FUCA2: variants seen among roughly 807,000 people sequenced by gnomAD.
FUCA2 encodes the protein alpha-L-fucosidase 2, also known as plasma alpha-L-fucosidase.
A neutral mutation model predicts 52.6 loss-of-function variants in FUCA2; 41 were observed. The ratio of observed to expected loss-of-function variants is 0.78; its 90% confidence interval spans 0.61 to 1.01. The LOEUF (loss-of-function observed/expected upper bound fraction) is 1.01, where lower values mean the gene tolerates loss of function less well. Among genes scored for constraint, FUCA2 ranks in the 50% least tolerant of loss-of-function variants. FUCA2 has a pLI of 0.00. For missense variants in FUCA2, 507 were observed against 569.5 expected, an observed-to-expected ratio of 0.89 and a Z score of 1.12; for synonymous variants, 211 against 217.3, an observed-to-expected ratio of 0.97 and a Z score of 0.26.
At position 143,499,763 on chromosome 6, in the gene FUCA2, TGAGAA is replaced by T. The variant is rs1780507165; in HGVS notation, c.1154+2164_1154+2168del. Among the ~76,000 whole-genome samples, 2 of 152,082 alleles carry T rather than the reference TGAGAA, an allele frequency of 1.3e-5. No individual in the cohort carries two copies. The highest frequency in any genetic ancestry group is 4.8e-5 in the African/African-American group (2 of 41,402). ...GCAAGGCAGATGTTATTGTGGGCCT[TGAGAA>T]GAGCAATTCTGGAGTGTGGGGGTGG... On this transcript the variant is annotated intron_variant, in intron 5 of 6. Coordinates refer to ENST00000002165, the MANE Select transcript of FUCA2 (RefSeq NM_032020.5). The surrounding 1 kb of genome is among the most constrained non-coding windows in gnomAD (Gnocchi z 6.0).
chr6:143,495,902 C>T lies in FUCA2; in HGVS notation c.1264-55G>A. 1 of 1,581,512 alleles carries T rather than the reference C, an allele frequency of 6.3e-7. No individual in the cohort carries two copies. Among genetic ancestry groups the T allele is most frequent in the Non-Finnish European group, 8.6e-7 (1 of 1,157,060 alleles). On this transcript the variant is annotated intron_variant, in intron 6 of 6. Coordinates refer to ENST00000002165, the MANE Select transcript of FUCA2 (RefSeq NM_032020.5). The surrounding 1 kb of genome is among the most constrained non-coding windows in gnomAD (Gnocchi z 5.2). ...TCCAAATTTATCTCTTTATCTCACC[C>T]ACTTTCTATTGGGAAGGAGTGATTA... is the stretch of plus-strand genomic sequence containing the variant.
At position 143,501,893 on chromosome 6, in the gene FUCA2, TC is replaced by T; in HGVS notation, c.1154+38del. 1 of 1,532,082 alleles carries T rather than the reference TC, an allele frequency of 6.5e-7. No homozygotes were observed. The highest frequency in any genetic ancestry group is 1.9e-5 in the Admixed American group (1 of 53,990). 94.9% of individuals were successfully genotyped at this position (1,532,082 alleles called of 1,614,324 possible). A position where few individuals can be genotyped will look rare whatever the true frequency, so the allele number is the denominator to read the frequency against. On this transcript the variant is annotated intron_variant, in intron 5 of 6. Coordinates refer to ENST00000002165, the MANE Select transcript of FUCA2 (RefSeq NM_032020.5). The surrounding 1 kb of genome is among the most constrained non-coding windows in gnomAD (Gnocchi z 6.1). Reference sequence around the variant, plus strand: ...TATGTCTGATAAATTTTAAATCTCTTCCTTTATAAAAGAGTACTTGGTAACA... The same window carrying T: ...TATGTCTGATAAATTTTAAATCTCTTCTTTATAAAAGAGTACTTGGTAACA...
Position 143,497,682 on chromosome 6 carries a change from G to T in FUCA2, c.1155-185C>A, listed in dbSNP as rs1420420176. ...ACACCTTCCTCCCCCAAGACCAAAA[G>T]GAAGTTCTTGGAAGACAAAGATTTT... On this transcript the variant is annotated intron_variant, in intron 5 of 6. Coordinates refer to ENST00000002165, the MANE Select transcript of FUCA2 (RefSeq NM_032020.5). This position sits in a 1 kb window ranked among gnomAD's most constrained non-coding sequence, Gnocchi z 5.3. Among the ~76,000 whole-genome samples, 3 of 152,134 alleles carry T rather than the reference G, an allele frequency of 2.0e-5. No individual in the cohort carries two copies. The highest frequency in any genetic ancestry group is 1.5e-5 in the Non-Finnish European group (1 of 68,036).
In FUCA2 at chr6:143,502,352, T is replaced by C. The variant is rs1175924083; in HGVS notation, c.963+3A>G. 1.2e-6 allele frequency: 2 copies of C among 1,613,022 alleles called. No homozygotes were observed. Among genetic ancestry groups the C allele is most frequent in the Admixed American group, 3.3e-5 (2 of 60,004 alleles). ...TTAATAGCCACCAGACATTTCACTGTACCTTCACCAATTCTTCAATTGTAA... is the reference window on the plus strand; with the variant it reads ...TTAATAGCCACCAGACATTTCACTGCACCTTCACCAATTCTTCAATTGTAA... On this transcript the variant is annotated splice_donor_region_variant and intron_variant, in intron 4 of 6. Coordinates refer to ENST00000002165, the MANE Select transcript of FUCA2 (RefSeq NM_032020.5). The surrounding 1 kb of genome is among the most constrained non-coding windows in gnomAD (Gnocchi z 4.1).
At position 143,502,153 on chromosome 6, in the gene FUCA2, A is replaced by G; in HGVS notation, c.964-31T>C. ...AAATTAAGAATAATGTTTTTAGATA[A>G]ATAAAATAATTCCATCTTTAATGTG... On this transcript the variant is annotated intron_variant, in intron 4 of 6. Coordinates refer to ENST00000002165, the MANE Select transcript of FUCA2 (RefSeq NM_032020.5). The surrounding 1 kb of genome is among the most constrained non-coding windows in gnomAD (Gnocchi z 4.1). The G allele has an allele frequency of 6.6e-7, 1 of 1,514,722 alleles. No homozygotes were observed. The highest frequency in any genetic ancestry group is 8.9e-7 in the Non-Finnish European group (1 of 1,117,796). 93.8% of individuals were successfully genotyped at this position (1,514,722 alleles called of 1,614,324 possible).
chr6:143,497,552 C>T lies in FUCA2; in HGVS notation c.1155-55G>A. ...GTAGCAAGTTACATCCCATGTTTCT[C>T]ACTATTTATGGATCAGGAACAATCT... On this transcript the variant is annotated intron_variant, in intron 5 of 6. Transcript: ENST00000002165. The surrounding 1 kb of genome is among the most constrained non-coding windows in gnomAD (Gnocchi z 5.3). 2 of 912,332 alleles carry T rather than the reference C, an allele frequency of 2.2e-6. No individual in the cohort carries two copies. Among genetic ancestry groups the T allele is most frequent in the Non-Finnish European group, 3.5e-6 (2 of 567,276 alleles). The allele number at this position is 912,332 out of a possible 1,614,324, so 56.5% of individuals were successfully genotyped here.
In FUCA2 at chr6:143,503,911, A is replaced by T; in HGVS notation, c.752+2T>A. On this transcript the variant is annotated splice_donor_variant, in intron 3 of 6. Coordinates refer to ENST00000002165, the MANE Select transcript of FUCA2 (RefSeq NM_032020.5). LOFTEE classifies it high-confidence loss of function. The surrounding 1 kb of genome is among the most constrained non-coding windows in gnomAD (Gnocchi z 4.8). ...ACTGCAGCAATCTCATAGCATACAC[A>T]CCTTTCATTATATAACCAGGCCAAG... is the stretch of plus-strand genomic sequence containing the variant. 1.2e-6 allele frequency: 2 copies of T among 1,606,534 alleles called. No homozygotes were observed. Among genetic ancestry groups the T allele is most frequent in the Non-Finnish European group, 1.7e-6 (2 of 1,174,738 alleles).
At chr6:143,506,034 T>A (rs1780601761) in intron 2 of FUCA2, 1 of 152,148 alleles carries the variant, frequency 6.6e-6, no homozygotes, top group Non-Finnish European at 1.5e-5. Context: ...TGATAGACAT[T>A]CATCTCAGCA....
chr6:143,511,287 T>C lies in FUCA2; in HGVS notation c.224+124A>G, dbSNP rs1012286121. The C allele has an allele frequency of 4.7e-5, 37 of 786,746 alleles. No individual in the cohort carries two copies. The highest frequency in any genetic ancestry group is 6.6e-5 in the Non-Finnish European group (34 of 512,476). The allele number at this position is 786,746 out of a possible 1,614,324, so 48.7% of individuals were successfully genotyped here. On this transcript the variant is annotated intron_variant, in intron 1 of 6. Transcript: ENST00000002165. The surrounding 1 kb of genome is among the most constrained non-coding windows in gnomAD (Gnocchi z 6.3). ...GAAGTGCGAAACGCGGGTAACGCAG[T>C]GGGAGGTGAAACCGACGAGGGTGCA...
In FUCA2 at chr6:143,502,189, G is replaced by T. The variant is rs1780538582; in HGVS notation, c.964-67C>A. ...TCCATCTTTAATGTGCTAATATGTT[G>T]CATTTATATATTTATACATGTATAT... On this transcript the variant is annotated intron_variant, in intron 4 of 6. Coordinates refer to ENST00000002165, the MANE Select transcript of FUCA2 (RefSeq NM_032020.5). The surrounding 1 kb of genome is among the most constrained non-coding windows in gnomAD (Gnocchi z 4.1). 1.4e-6 allele frequency: 2 copies of T among 1,379,674 alleles called. No individual in the cohort carries two copies. Among genetic ancestry groups the T allele is most frequent in the Admixed American group, 4.3e-5 (2 of 46,250 alleles). 85.5% of individuals were successfully genotyped at this position (1,379,674 alleles called of 1,614,324 possible). A position where few individuals can be genotyped will look rare whatever the true frequency, so the allele number is the denominator to read the frequency against.
rs1203845748 is a variant in FUCA2, at chr6:143,502,722, A to G, written c.753-157T>C. The G allele has an allele frequency of 4.8e-6, 3 of 625,378 alleles. No individual in the cohort carries two copies. Among genetic ancestry groups the G allele is most frequent in the Non-Finnish European group, 8.1e-6 (3 of 370,236 alleles). The allele number at this position is 625,378 out of a possible 1,614,324, so 38.7% of individuals were successfully genotyped here. A position where few individuals can be genotyped will look rare whatever the true frequency, so the allele number is the denominator to read the frequency against. ...ATGGTTTTGAAGTCAAACAGACCTG[A>G]GTTGATTGGAGTTCTGGCTTTGTCA... On this transcript the variant is annotated intron_variant, in intron 3 of 6. Coordinates refer to ENST00000002165, the MANE Select transcript of FUCA2 (RefSeq NM_032020.5). The surrounding 1 kb of genome is among the most constrained non-coding windows in gnomAD (Gnocchi z 4.1).
At position 143,511,607 on chromosome 6, in the gene FUCA2, C is replaced by G. The variant is rs1780686059; in HGVS notation, c.28G>C (p.Ala10Pro). Residue 10 changes from alanine to proline, a missense_variant, in exon 1 of 7, where the codon GCG becomes CCG. Physicochemically the swap from Ala to Pro is conservative, Grantham distance 27. Coordinates refer to ENST00000002165, the MANE Select transcript of FUCA2 (RefSeq NM_032020.5). The surrounding 1 kb of genome is among the most constrained non-coding windows in gnomAD (Gnocchi z 6.3). ...AACAGCAACAGCAGCAACGGGAACG[C>G]GAGCCTGGGGAGCTCCTGGGGCCGC... MRPQELPRL[A>P]FPLLLLLLLL... 1 of 1,545,928 alleles carries G rather than the reference C, an allele frequency of 6.5e-7. No individual in the cohort carries two copies. Among genetic ancestry groups the G allele is most frequent in the Non-Finnish European group, 8.7e-7 (1 of 1,145,118 alleles).
In FUCA2 at chr6:143,495,898, C is replaced by G; in HGVS notation, c.1264-51G>C. ...TGTCTCCAAATTTATCTCTTTATCT[C>G]ACCCACTTTCTATTGGGAAGGAGTG... On this transcript the variant is annotated intron_variant, in intron 6 of 6. Coordinates refer to ENST00000002165, the MANE Select transcript of FUCA2 (RefSeq NM_032020.5). The surrounding 1 kb of genome is among the most constrained non-coding windows in gnomAD (Gnocchi z 5.2). 1 of 1,586,900 alleles carries G rather than the reference C, an allele frequency of 6.3e-7. No individual in the cohort carries two copies. The highest frequency in any genetic ancestry group is 8.6e-7 in the Non-Finnish European group (1 of 1,161,016).
rs1467626777 is a variant in FUCA2, at chr6:143,503,481, G to GTGAC, written c.752+428_752+431dup. The GTGAC allele has an allele frequency of 2.5e-5, 4 of 158,054 alleles. No homozygotes were observed. The highest frequency in any genetic ancestry group is 9.6e-5 in the African/African-American group (4 of 41,510). The allele number at this position is 158,054 out of a possible 1,614,324, so 9.8% of individuals were successfully genotyped here. On this transcript the variant is annotated intron_variant, in intron 3 of 6. Transcript: ENST00000002165. The surrounding 1 kb of genome is among the most constrained non-coding windows in gnomAD (Gnocchi z 4.8). ...GAAGGAAAAGAGGAGACAAACAAGG[G>GTGAC]TGACATTGGCTGGGCAGCAAAGATG...
At chr6:143,505,252 G>A (rs943816437) in intron 2 of FUCA2, 2 of 149,766 alleles carry the variant, frequency 1.3e-5, no homozygotes, top group African/African-American at 2.5e-5. Flanking sequence ...TACATTTGGT[G>A]AAACATTTTA....
At chr6:143,496,793 GAGA>G (rs1780466124) in intron 6 of FUCA2, 1 of 152,160 alleles carries the variant, frequency 6.6e-6, no homozygotes, top group Non-Finnish European at 1.5e-5. Flanking sequence ...CTAGTTTTAT[GAGA>G]AGAATCATTT....
rs1223797765 is a variant in FUCA2, at chr6:143,497,420, C to T, written c.1232G>A (p.Gly411Asp). 1.2e-6 allele frequency: 2 copies of T among 1,613,680 alleles called. No homozygotes were observed. Among genetic ancestry groups the T allele is most frequent in the Admixed American group, 1.7e-5 (1 of 60,000 alleles). ...KWPTSGQLFL[G>D]HPKAILGATE... ...TGCCCCCAGAATAGCTTTGGGATGG[C>T]CAAGGAACAGCTGTCCTGATGTGGG... is the stretch of plus-strand genomic sequence containing the variant. Residue 411 changes from glycine to aspartate, a missense_variant, in exon 6 of 7, where the codon GGC (glycine) becomes GAC (aspartate). By Grantham distance (94) the Gly-to-Asp change is moderately conservative (BLOSUM62 -1). Transcript: ENST00000002165. The surrounding 1 kb of genome is among the most constrained non-coding windows in gnomAD (Gnocchi z 5.3).
intron 5 of FUCA2, among the ~76,000 whole-genome samples, chr6:143,498,860 T>A (rs565646651): frequency 1.2e-3 from 186 of 151,960 alleles, no homozygotes; most frequent in Admixed American, 2.2e-3. Context: ...GGCGAGACAA[T>A]GGAAACTAAA....
Position 143,507,413 on chromosome 6 carries a change from T to A in FUCA2, c.236A>T (p.Gln79Leu). Reference sequence around the variant, plus strand: ...CACATACTTCGGTATCTTTTCCTTTTGCCAATACCACCTAAGGGGAGGAAA... The same window carrying A: ...CACATACTTCGGTATCTTTTCCTTTAGCCAATACCACCTAAGGGGAGGAAA... Reference protein sequence around the residue: ...FGSEWFWWYWQKEKIPKYVEF... With the variant: ...FGSEWFWWYWLKEKIPKYVEF... Residue 79 changes from glutamine (Q) to leucine (L), a missense_variant, in exon 2 of 7, where the codon CAA (glutamine) becomes CTA (leucine). Physicochemically the swap from Gln to Leu is moderately radical, Grantham distance 113. Coordinates refer to ENST00000002165, the MANE Select transcript of FUCA2 (RefSeq NM_032020.5). This position sits in a 1 kb window ranked among gnomAD's most constrained non-coding sequence, Gnocchi z 4.5. 1.9e-6 allele frequency: 3 copies of A among 1,594,994 alleles called. No individual in the cohort carries two copies. The highest frequency in any genetic ancestry group is 1.1e-5 in the South Asian group (1 of 87,196).
Sources: allele counts gnomAD v4.1 joint callset (sites outside exome capture counted in the v4.1 genomes callset), GRCh38; gene constraint gnomAD v4.1.1; non-coding constraint Gnocchi (gnomAD v3.1); transcripts MANE v1.5; gene names NCBI Gene and HGNC (gene_info 2026-07-23, HGNC 2026-07-21).